Variants in ZFHX4 observed in about 807,000 individuals in gnomAD.
The protein encoded by ZFHX4 is zinc finger homeobox 4, also known as zinc finger homeobox protein 4.
A neutral mutation model predicts 267.6 loss-of-function variants in ZFHX4; 56 were observed. The observed-to-expected ratio is 0.21, with a 90% CI of 0.17 to 0.26. The LOEUF is 0.26. ZFHX4 is among the 10% of genes least tolerant of loss of function. The pLI is 1.00. For synonymous variants in ZFHX4, 1,778 were observed against 1,665.6 expected, an observed-to-expected ratio of 1.07 and a Z score of -1.64; for missense variants, 4,332 against 4,420.0, an observed-to-expected ratio of 0.98 and a Z score of 0.56.
intron 4 of ZFHX4, among the ~76,000 whole-genome samples, chr8:76,825,351 G>C (rs942909675): frequency 6.6e-6 from 1 of 152,224 alleles, no homozygotes; most frequent in Non-Finnish European, 1.5e-5. Context: ...AACTTGGAGA[G>C]TATCAAATAG....
chr8:76,784,150 C>T (rs942889903), intron 4 of ZFHX4, among the ~76,000 whole-genome samples: 3 of 151,762 alleles, frequency 2.0e-5, no homozygotes, highest in Admixed American at 2.0e-4. Flanking sequence ...CTGTGTATGC[C>T]AGTTGATATA....
chr8:76,713,311 A>G (rs145682076), intron 3 of ZFHX4, among the ~76,000 whole-genome samples: 1 of 138,474 alleles, frequency 7.2e-6, no homozygotes, highest in African/African-American at 2.8e-5. Flanking sequence ...ATAGATAGAT[A>G]GATAGATGAT....
chr8:76,839,616 T>A (rs528340810), intron 5 of ZFHX4, among the ~76,000 whole-genome samples: 17 of 152,338 alleles, frequency 1.1e-4, no homozygotes, highest in Admixed American at 2.0e-4. Flanking sequence ...AACAGTATCA[T>A]GAAATGATTT....
At chr8:76,684,622 A>G (rs1807645085) in intron 1 of ZFHX4, among the ~76,000 whole-genome samples, 1 of 152,238 alleles carries the variant, frequency 6.6e-6, no homozygotes, top group South Asian at 2.1e-4. Flanking sequence ...GGTCAGGTAA[A>G]CCAGCTGTGT....
At position 76,704,524 on chromosome 8, in the gene ZFHX4, A is replaced by G; in HGVS notation, c.436A>G (p.Lys146Glu). 6.2e-7 allele frequency: 1 copy of G among 1,614,012 alleles called. No individual in the cohort carries two copies. Among genetic ancestry groups the G allele is most frequent in the South Asian group, 1.1e-5 (1 of 91,086 alleles). ...GTCAGCATATATAATTGAGGACTCC[A>G]AAGAAAGTGGGCAGAATGCACAGAC... ...DGSAYIIEDSKESGQNAQTGA... is the reference protein window; with the variant it reads ...DGSAYIIEDSEESGQNAQTGA... The change falls in exon 2 of 11, where the codon AAA (lysine) becomes GAA (glutamate). Residue 146 changes from lysine (K) to glutamate (E), a missense_variant. Lys to Glu is a moderately conservative substitution (Grantham distance 56). Coordinates refer to ENST00000651372, the MANE Select transcript of ZFHX4 (RefSeq NM_024721.5).
chr8:76,704,179 G>A lies in ZFHX4; in HGVS notation c.91G>A (p.Val31Met), dbSNP rs772439742. The A allele has an allele frequency of 6.8e-6, 11 of 1,613,960 alleles. No individual in the cohort carries two copies. In the South Asian group the frequency reaches 1.2e-4, roughly 18 times the overall value. The change falls in exon 2 of 11, where the codon GTG becomes ATG. Residue 31 changes from valine to methionine, a missense_variant. Val to Met is a conservative substitution (Grantham distance 21). Around this residue, in one of 7 missense-constraint regions of ZFHX4, gnomAD observed 1,195 missense variants for 1,173.6 expected, o/e 1.02. Coordinates refer to ENST00000651372, the MANE Select transcript of ZFHX4 (RefSeq NM_024721.5). Reference protein sequence around the residue: ...LCGTTQLDNEVPEKVAGMEPD... With the variant: ...LCGTTQLDNEMPEKVAGMEPD... The stretch of plus-strand genomic sequence containing the variant: ...TGGAACGACACAACTTGATAATGAG[G>A]TGCCAGAGAAAGTTGCAGGGATGGA...
chr8:76,848,931 A>G (rs1812434289), intron 6 of ZFHX4, 64 bp from the exon 7 acceptor site: 2 of 1,413,134 alleles, frequency 1.4e-6, no homozygotes, highest in Non-Finnish European at 1.9e-6. Flanking sequence ...TTTGAAAAAC[A>G]TAATTTTTCT....
At chr8:76,769,520 T>C (rs1011058600) in intron 3 of ZFHX4, among the ~76,000 whole-genome samples, 15 of 152,092 alleles carry the variant, frequency 9.9e-5, no homozygotes, top group Non-Finnish European at 1.5e-4. Flanking sequence ...CTGGCTAATT[T>C]TTGTATTTTT....
Position 76,854,496 on chromosome 8 carries a change from C to T in ZFHX4, c.7575C>T (p.His2525=). ...HFLAAQNQFL[H]SPFLERPMDM... is the part of the protein sequence containing the mutation. Reference sequence around the variant, plus strand: ...TTGCTGCTCAAAACCAATTCCTTCACTCTCCGTTCTTGGAAAGGCCCATGG... The same window carrying T: ...TTGCTGCTCAAAACCAATTCCTTCATTCTCCGTTCTTGGAAAGGCCCATGG... The change falls in exon 10 of 11, where the codon CAC becomes CAT. Residue 2525 remains histidine, a synonymous_variant. Transcript: ENST00000651372. 6.2e-7 allele frequency: 1 copy of T among 1,613,936 alleles called. No homozygotes were observed. Among genetic ancestry groups the T allele is most frequent in the East Asian group, 2.2e-5 (1 of 44,868 alleles).
chr8:76,863,362 CA>C lies in ZFHX4; in HGVS notation c.9654del (p.Glu3219ArgfsTer15). 6.2e-7 allele frequency: 1 copy of C among 1,613,760 alleles called. No individual in the cohort carries two copies. Among genetic ancestry groups the C allele is most frequent in the Non-Finnish European group, 8.5e-7 (1 of 1,179,818 alleles). On this transcript the variant is annotated frameshift_variant, in exon 11 of 11. Coordinates refer to ENST00000651372, the MANE Select transcript of ZFHX4 (RefSeq NM_024721.5). LOFTEE classifies it high-confidence loss of function. ...LEATKPEKHP[K>X]KEEKISSALS... Reference sequence around the variant, plus strand: ...AGGCCACCAAACCCGAAAAACACCCCAAAAAAGAGGAAAAAATCTCATCTGC... The same window carrying C: ...AGGCCACCAAACCCGAAAAACACCCCAAAAAGAGGAAAAAATCTCATCTGC...
intron 4 of ZFHX4, among the ~76,000 whole-genome samples, chr8:76,786,963 CAT>C (rs1457915535): frequency 2.0e-5 from 3 of 152,176 alleles, no homozygotes; most frequent in African/African-American, 7.2e-5. Context: ...AAATGACCAA[CAT>C]ATTTATTTTG....
intron 3 of ZFHX4, among the ~76,000 whole-genome samples, chr8:76,715,100 G>A (rs902275921): frequency 2.0e-5 from 3 of 152,182 alleles, no homozygotes; most frequent in African/African-American, 4.8e-5. Context: ...TTGAGGGCAG[G>A]ATAGAGCTTT....
At chr8:76,805,723 A>G (rs976055434) in intron 4 of ZFHX4, among the ~76,000 whole-genome samples, 1 of 152,054 alleles carries the variant, frequency 6.6e-6, no homozygotes, top group Non-Finnish European at 1.5e-5. Context: ...AAATGAATGC[A>G]CTTCTTCTAC....
chr8:76,705,768 A>T lies in ZFHX4; in HGVS notation c.1680A>T (p.Ala560=), dbSNP rs764864809. The change falls in exon 2 of 11, where the codon GCA becomes GCT. Residue 560 remains alanine, a synonymous_variant. Coordinates refer to ENST00000651372, the MANE Select transcript of ZFHX4 (RefSeq NM_024721.5). ...SNYGISGKDF[A]DASASKDSAT... Reference sequence around the variant, plus strand: ...ATGGCATCAGTGGCAAGGACTTTGCAGACGCAAGTGCCAGTAAAGACAGTG... The same window carrying T: ...ATGGCATCAGTGGCAAGGACTTTGCTGACGCAAGTGCCAGTAAAGACAGTG... 2 of 1,614,052 alleles carry T rather than the reference A, an allele frequency of 1.2e-6. No homozygotes were observed. Among genetic ancestry groups the T allele is most frequent in the Admixed American group, 3.3e-5 (2 of 60,032 alleles).
chr8:76,731,875 A>ATTG (rs1361976109), intron 3 of ZFHX4, among the ~76,000 whole-genome samples: 2 of 148,998 alleles, frequency 1.3e-5, no homozygotes, highest in Admixed American at 6.8e-5. Context: ...TATTATTATT[A>ATTG]TTATTATTAT....
At chr8:76,741,526 G>A (rs1036806274) in intron 3 of ZFHX4, among the ~76,000 whole-genome samples, 2 of 152,136 alleles carry the variant, frequency 1.3e-5, no homozygotes, top group Admixed American at 1.3e-4. Flanking sequence ...CATGAACTAA[G>A]ACAACTAGAA....
intron 4 of ZFHX4, among the ~76,000 whole-genome samples, chr8:76,811,444 CTG>C (rs1189277194): frequency 6.6e-6 from 1 of 152,110 alleles, no homozygotes; most frequent in East Asian, 1.9e-4. Context: ...ATACTTATGA[CTG>C]TGATTTCATT....
intron 5 of ZFHX4, among the ~76,000 whole-genome samples, chr8:76,839,056 AGAGAG>A: frequency 3.6e-5 from 1 of 27,402 alleles, no homozygotes; most frequent in African/African-American, 6.5e-4. Flanking sequence ...TGTCTGAAAG[AGAGAG>A]AGAGAGAGAG....
At position 76,849,072 on chromosome 8, in the gene ZFHX4, G is replaced by A. The variant is rs1232400399; in HGVS notation, c.3589G>A (p.Asp1197Asn). Residue 1197 changes from aspartate to asparagine, a missense_variant, in exon 7 of 11, where the codon GAT (aspartate) becomes AAT (asparagine). This residue lies in a region of ZFHX4 where 1,371 missense variants were observed against 1,423.1 expected (regional missense o/e 0.96). Coordinates refer to ENST00000651372, the MANE Select transcript of ZFHX4 (RefSeq NM_024721.5). ...TQPLLLAKEE[D>N]VATKRSKPTE... ...GCCACTCCTGCTGGCAAAAGAAGAGGATGTTGCAACAAAAAGGTCAAAACC... is the reference window on the plus strand; with the variant it reads ...GCCACTCCTGCTGGCAAAAGAAGAGAATGTTGCAACAAAAAGGTCAAAACC... The A allele has an allele frequency of 9.6e-6, 15 of 1,569,624 alleles. No homozygotes were observed. The highest frequency in any genetic ancestry group is 1.4e-5 in the African/African-American group (1 of 73,788).
Sources: gnomAD v4.1 joint callset for allele counts (sites outside exome capture counted in the v4.1 genomes callset) on GRCh38, gnomAD v4.1.1 for gene constraint, gnomAD v4.1.1 regional missense constraint, MANE v1.5 for transcripts, NCBI Gene and HGNC (gene_info 2026-07-23, HGNC 2026-07-21) for gene names.